Variants in SH3RF1 observed in about 807,000 individuals in gnomAD.
The protein encoded by SH3RF1 is E3 ubiquitin-protein ligase SH3RF1.
A neutral mutation model predicts 74.0 loss-of-function variants in SH3RF1; 32 were observed. The observed-to-expected ratio is 0.43, with a 90% CI of 0.33 to 0.58. The LOEUF (loss-of-function observed/expected upper bound fraction) is 0.58, where lower values mean the gene tolerates loss of function less well. SH3RF1 is among the 20% of genes least tolerant of loss of function. The pLI is 0.05. For missense variants in SH3RF1, 954 were observed against 1,130.9 expected (o/e 0.84, Z 2.24); for synonymous variants, 396 against 439.6 (o/e 0.90, Z 1.24).
At position 169,112,882 on chromosome 4, in the gene SH3RF1, G is replaced by C. The variant is rs538221678; in HGVS notation, c.2139+3387C>G. Among the ~76,000 whole-genome samples the C allele has an allele frequency of 3.9e-5, 6 of 152,300 alleles. No individual in the cohort carries two copies. The South Asian group carries it at 1.2e-3, about 32-fold the overall frequency. On this transcript the variant is annotated intron_variant, in intron 10 of 11. Coordinates refer to ENST00000284637, the MANE Select transcript of SH3RF1 (RefSeq NM_020870.4). ...GTGGTTCTTGGATGGCAAGAAGAAAGGGAAGGATAATCTTCAGACTGGAGG... is the reference window on the plus strand; with the variant it reads ...GTGGTTCTTGGATGGCAAGAAGAAACGGAAGGATAATCTTCAGACTGGAGG...
rs564136597 is a variant in SH3RF1, at chr4:169,247,676, T to C, written c.393+21144A>G. On this transcript the variant is annotated intron_variant, in intron 2 of 11. Coordinates refer to ENST00000284637, the MANE Select transcript of SH3RF1 (RefSeq NM_020870.4). ...AATAAAGGGGTTGTGGATCTTGCGA[T>C]CTGAGTCTGAGGAGGCATCATGACA... Among the ~76,000 whole-genome samples the C allele has an allele frequency of 2.4e-3, 370 of 152,300 alleles. 1 individual carries two copies. Among genetic ancestry groups the C allele is most frequent in the Middle Eastern group, 0.014 (4 of 294 alleles).
chr4:169,252,937 C>T (rs1004412359), intron 2 of SH3RF1, among the ~76,000 whole-genome samples: 14 of 152,096 alleles, frequency 9.2e-5, no homozygotes, highest in African/African-American at 3.4e-4. Flanking sequence ...GATAAACACC[C>T]TCTGCCCAAA....
chr4:169,147,188 C>A (rs1733906857), intron 4 of SH3RF1, among the ~76,000 whole-genome samples: 1 of 152,182 alleles, frequency 6.6e-6, no homozygotes, highest in Non-Finnish European at 1.5e-5. Flanking sequence ...TATTTGTTCA[C>A]TGAATGCACA....
intron 2 of SH3RF1, among the ~76,000 whole-genome samples, chr4:169,192,114 C>T (rs1164694764): frequency 6.6e-6 from 1 of 152,166 alleles, no homozygotes; most frequent in Non-Finnish European, 1.5e-5. Flanking sequence ...AGACAACCCA[C>T]AGAGTGGGAG....
At chr4:169,100,183 A>T (rs1236299127) in intron 11 of SH3RF1, among the ~76,000 whole-genome samples, 2 of 152,184 alleles carry the variant, frequency 1.3e-5, no homozygotes, top group South Asian at 4.2e-4. Flanking sequence ...TTATATGAAC[A>T]GGGGTTTGGG....
intron 2 of SH3RF1, among the ~76,000 whole-genome samples, chr4:169,250,474 G>A (rs1191076542): frequency 6.6e-6 from 1 of 152,136 alleles, no homozygotes; most frequent in African/African-American, 2.4e-5. Context: ...ATGAATAACA[G>A]TCATTCTCCT....
chr4:169,103,086 ATTTTTTTTTT>A (rs60740517), intron 11 of SH3RF1, among the ~76,000 whole-genome samples: 13 of 87,074 alleles, frequency 1.5e-4, no homozygotes, highest in Non-Finnish European at 2.1e-4. Flanking sequence ...GCGCCTGGCT[ATTTTTTTTTT>A]TTTTTTTTTT....
At chr4:169,233,750 A>G (rs1250791559) in intron 2 of SH3RF1, among the ~76,000 whole-genome samples, 2 of 152,082 alleles carry the variant, frequency 1.3e-5, no homozygotes, top group South Asian at 2.1e-4. Context: ...CCTCTACCCT[A>G]TTATTTCACA....
intron 2 of SH3RF1, among the ~76,000 whole-genome samples, chr4:169,254,285 T>C (rs1731149827): frequency 6.6e-6 from 1 of 152,212 alleles, no homozygotes; most frequent in Non-Finnish European, 1.5e-5. Context: ...AAAAGAGGTA[T>C]AAAATTCAAA....
chr4:169,182,985 C>G (rs965489442), intron 2 of SH3RF1, among the ~76,000 whole-genome samples: 1 of 151,982 alleles, frequency 6.6e-6, no homozygotes, highest in Non-Finnish European at 1.5e-5. Flanking sequence ...GGTTTGAGAC[C>G]CGGCTGAGCA....
chr4:169,244,635 A>C (rs1730964338), intron 2 of SH3RF1, among the ~76,000 whole-genome samples: 1 of 152,220 alleles, frequency 6.6e-6, no homozygotes, highest in Non-Finnish European at 1.5e-5. Flanking sequence ...CTGACTAACC[A>C]AAATGTAGGT....
intron 2 of SH3RF1, among the ~76,000 whole-genome samples, chr4:169,252,044 G>C (rs1465264495): frequency 6.6e-6 from 1 of 152,196 alleles, no homozygotes; most frequent in Non-Finnish European, 1.5e-5. Context: ...CGAGGACTCT[G>C]GTATGTTCCG....
At chr4:169,244,696 CAT>C (rs33923183) in intron 2 of SH3RF1, among the ~76,000 whole-genome samples, 6,780 of 152,222 alleles carry the variant, frequency 0.045, 315 homozygotes, top group Admixed American at 0.15. Context: ...CAAAGTAACA[CAT>C]GACAGAATTT....
chr4:169,226,441 A>C (rs1730654035), intron 2 of SH3RF1, among the ~76,000 whole-genome samples: 1 of 152,140 alleles, frequency 6.6e-6, no homozygotes, highest in Admixed American at 6.5e-5. Flanking sequence ...GAAAAGCAAA[A>C]TACATGGAAT....
Position 169,105,129 on chromosome 4 carries a change from A to T in SH3RF1, c.2498+1718T>A, listed in dbSNP as rs143922079. 2.0e-5 allele frequency among the ~76,000 whole-genome samples: 3 copies of T among 152,288 alleles called. No individual in the cohort carries two copies. The East Asian group carries it at 5.8e-4, about 29-fold the overall frequency. On this transcript the variant is annotated intron_variant, in intron 11 of 11. Transcript: ENST00000284637. ...TAAAAACATAACACTTTATAGTAAG[A>T]TTTCAAGTCGGCAACATAGAAAATG...
chr4:169,186,870 G>A (rs536391556), intron 2 of SH3RF1, among the ~76,000 whole-genome samples: 139 of 150,406 alleles, frequency 9.2e-4, no homozygotes, highest in African/African-American at 2.1e-3. Flanking sequence ...AAAAATTAGC[G>A]GGGCGTGGTG....
At chr4:169,264,915 C>T (rs1353431623) in intron 2 of SH3RF1, among the ~76,000 whole-genome samples, 5 of 152,270 alleles carry the variant, frequency 3.3e-5, no homozygotes, top group East Asian at 3.9e-4. Flanking sequence ...AAATATTCTT[C>T]GCCTCTGCCC....
In SH3RF1 at chr4:169,136,464, G is replaced by C. The variant is rs752137262; in HGVS notation, c.922C>G (p.Leu308Val). 1 of 1,613,698 alleles carries C rather than the reference G, an allele frequency of 6.2e-7. No homozygotes were observed. The highest frequency in any genetic ancestry group is 1.1e-5 in the South Asian group (1 of 91,008). The change falls in exon 5 of 12, where the codon CTC (leucine) becomes GTC (valine). Residue 308 changes from leucine (L) to valine (V), a missense_variant. By Grantham distance (32) the Leu-to-Val change is conservative. Transcript: ENST00000284637. ...TGGGAGGACTTGTTGGCCATAGTGA[G>C]GGAAGTGAAGGAGTGCCGCTTTTTG... ...NTKKRHSFTS[L>V]TMANKSSQAS...
At chr4:169,252,236 A>G (rs1731117425) in intron 2 of SH3RF1, among the ~76,000 whole-genome samples, 1 of 152,268 alleles carries the variant, frequency 6.6e-6, no homozygotes, top group Non-Finnish European at 1.5e-5. Flanking sequence ...CTTTGAGAAC[A>G]GAATGAATTC....
Sources: allele counts gnomAD v4.1 joint callset (sites outside exome capture counted in the v4.1 genomes callset), GRCh38; gene constraint gnomAD v4.1.1; transcripts MANE v1.5; gene names NCBI Gene and HGNC (gene_info 2026-07-23, HGNC 2026-07-21).